Variants in PTPRD observed in about 807,000 individuals in gnomAD.
PTPRD encodes the protein receptor-type tyrosine-protein phosphatase delta.
PTPRD carries 34 observed loss-of-function variants against 214.5 expected under a neutral mutation model. That is an observed-to-expected ratio of 0.16 (90% CI 0.12 to 0.21). The LOEUF (loss-of-function observed/expected upper bound fraction) is 0.21. Among genes scored for constraint, PTPRD ranks in the 10% least tolerant of loss-of-function variants. The pLI, the probability that PTPRD is intolerant of heterozygous loss-of-function variation, is 1.00. For missense variants in PTPRD, 2,545 were observed against 2,398.7 expected (o/e 1.06, Z -1.27); for synonymous variants, 1,128 against 845.7 (o/e 1.33, Z -5.79).
intron 44 of PTPRD, among the ~76,000 whole-genome samples, chr9:8,322,765 T>C (rs1021599844): frequency 6.6e-6 from 1 of 152,154 alleles, no homozygotes; most frequent in East Asian, 1.9e-4. Context: ...TAGACAAACA[T>C]CATTATATTG....
At chr9:10,279,112 A>G (rs962626734) in intron 3 of PTPRD, among the ~76,000 whole-genome samples, 5 of 151,920 alleles carry the variant, frequency 3.3e-5, no homozygotes, top group African/African-American at 1.2e-4. Flanking sequence ...CTCTGCCTCA[A>G]TCCTCACTTC....
At chr9:9,400,953 A>T (rs553891673) in intron 8 of PTPRD, among the ~76,000 whole-genome samples, 1 of 152,152 alleles carries the variant, frequency 6.6e-6, no homozygotes, top group African/African-American at 2.4e-5. Flanking sequence ...GAATCCTGGC[A>T]TTTGAATGCA....
intron 11 of PTPRD, among the ~76,000 whole-genome samples, chr9:8,807,395 G>A (rs2096708750): frequency 6.6e-6 from 1 of 152,090 alleles, no homozygotes; most frequent in African/African-American, 2.4e-5. Context: ...TAGAAGCTGG[G>A]AGTTTTCACA....
chr9:9,646,327 GTGT>G (rs2096170853), intron 7 of PTPRD, among the ~76,000 whole-genome samples: 1 of 148,194 alleles, frequency 6.7e-6, no homozygotes, highest in Non-Finnish European at 1.5e-5. Context: ...GGGTGTGTGT[GTGT>G]GTGTGTGTGT....
chr9:8,785,622 G>C, intron 11 of PTPRD, among the ~76,000 whole-genome samples: 1 of 152,286 alleles, frequency 6.6e-6, no homozygotes, highest in Admixed American at 6.5e-5. Flanking sequence ...CCATGTCACA[G>C]AATTACTGCC....
intron 5 of PTPRD, among the ~76,000 whole-genome samples, chr9:9,863,787 A>G (rs899526743): frequency 1.1e-4 from 16 of 152,032 alleles, no homozygotes; most frequent in Non-Finnish European, 2.1e-4. Context: ...TTGTCTGTGA[A>G]CAAGGTAGCA....
chr9:9,105,299 C>A (rs1352841970), intron 10 of PTPRD, among the ~76,000 whole-genome samples: 1 of 151,640 alleles, frequency 6.6e-6, no homozygotes. Context: ...TTTCATACCT[C>A]TTCCATAGCT....
intron 2 of PTPRD, among the ~76,000 whole-genome samples, chr9:10,421,585 G>A (rs1040829162): frequency 6.6e-6 from 1 of 151,676 alleles, no homozygotes; most frequent in African/African-American, 2.4e-5. Context: ...TATGAACGTG[G>A]TCCAGTTTAG....
chr9:9,029,031 G>A (rs956583715), intron 10 of PTPRD, among the ~76,000 whole-genome samples: 4 of 151,824 alleles, frequency 2.6e-5, no homozygotes, highest in South Asian at 2.1e-4. Context: ...AGTAAGAATT[G>A]AGATGTACAA....
intron 12 of PTPRD, among the ~76,000 whole-genome samples, chr9:8,733,213 T>G (rs1368223686): frequency 6.6e-6 from 1 of 152,082 alleles, no homozygotes; most frequent in Non-Finnish European, 1.5e-5. Flanking sequence ...TCCACAGAAT[T>G]CTCCTCATAC....
chr9:8,767,148 G>A (rs188489809), intron 11 of PTPRD, among the ~76,000 whole-genome samples: 313 of 151,778 alleles, frequency 2.1e-3, no homozygotes, highest in African/African-American at 7.2e-3. Flanking sequence ...ATGGAGTTTT[G>A]CTCTTGTTGC....
intron 2 of PTPRD, among the ~76,000 whole-genome samples, chr9:10,513,939 T>A (rs1029413861): frequency 2.0e-5 from 3 of 152,068 alleles, no homozygotes; most frequent in Non-Finnish European, 2.9e-5. Context: ...ACCGTGGAAA[T>A]AAAGTTACTT....
At chr9:8,818,776 A>C (rs2096977840) in intron 11 of PTPRD, among the ~76,000 whole-genome samples, 1 of 152,226 alleles carries the variant, frequency 6.6e-6, no homozygotes, top group Admixed American at 6.5e-5. Context: ...ATTTCAAATA[A>C]TTTGGCTTTG....
At chr9:9,807,724 T>C (rs1311483609) in intron 5 of PTPRD, among the ~76,000 whole-genome samples, 1 of 152,186 alleles carries the variant, frequency 6.6e-6, no homozygotes, top group East Asian at 1.9e-4. Context: ...TTTACAAAAA[T>C]ATAGTGATTC....
chr9:8,428,379 A>C (rs562220889), intron 35 of PTPRD, among the ~76,000 whole-genome samples: 36 of 152,206 alleles, frequency 2.4e-4, no homozygotes, highest in Non-Finnish European at 4.7e-4. Context: ...AGGTACAAAA[A>C]TGTTGTTACT....
chr9:9,115,829 T>C (rs28775875), intron 10 of PTPRD, among the ~76,000 whole-genome samples: 2,513 of 152,224 alleles, frequency 0.017, 81 homozygotes, highest in African/African-American at 0.058. Flanking sequence ...AACTTAGGTG[T>C]CCATCAATAG....
intron 11 of PTPRD, among the ~76,000 whole-genome samples, chr9:8,870,327 T>A (rs2098273889): frequency 6.6e-6 from 1 of 152,112 alleles, no homozygotes; most frequent in South Asian, 2.1e-4. Flanking sequence ...GGAGACAATG[T>A]TGTTTTAACC....
At chr9:8,322,708 T>G (rs1192302278) in intron 44 of PTPRD, among the ~76,000 whole-genome samples, 2 of 152,208 alleles carry the variant, frequency 1.3e-5, no homozygotes, top group African/African-American at 4.8e-5. Flanking sequence ...AATATCTAGC[T>G]AAGATCATTG....
At chr9:8,908,393 A>C (rs1392164409) in intron 11 of PTPRD, among the ~76,000 whole-genome samples, 9 of 152,178 alleles carry the variant, frequency 5.9e-5, no homozygotes, top group Non-Finnish European at 1.2e-4. Flanking sequence ...AAACCATTCA[A>C]AGTATGTTGT....
Sources: allele counts gnomAD v4.1 joint callset (sites outside exome capture counted in the v4.1 genomes callset), GRCh38; gene constraint gnomAD v4.1.1; transcripts MANE v1.5; gene names NCBI Gene and HGNC (gene_info 2026-07-23, HGNC 2026-07-21).